Variants in USP35 observed in about 807,000 individuals in gnomAD.
The protein encoded by USP35 is ubiquitin specific peptidase 35, also known as ubiquitin carboxyl-terminal hydrolase 35.
Under a neutral mutation model 83.8 loss-of-function variants are expected in USP35, and 69 were observed. The observed-to-expected ratio is 0.82, with a 90% CI of 0.68 to 1.01. The LOEUF (loss-of-function observed/expected upper bound fraction) is 1.01, where lower values mean the gene tolerates loss of function less well. Ranked by LOEUF, USP35 falls within the 50% of genes least tolerant of loss-of-function variation. The pLI, the probability that USP35 is intolerant of heterozygous loss-of-function variation, is 0.00. For missense variants in USP35, 1,503 were observed against 1,362.5 expected, an observed-to-expected ratio of 1.10 and a Z score of -1.62; for synonymous variants, 714 against 589.5, an observed-to-expected ratio of 1.21 and a Z score of -3.06.
chr11:78,210,275 C>T lies in USP35; in HGVS notation c.2420C>T (p.Thr807Ile), dbSNP rs1307148083. 2.5e-6 allele frequency: 4 copies of T among 1,614,152 alleles called. No homozygotes were observed. Among genetic ancestry groups the T allele is most frequent in the Non-Finnish European group, 3.4e-6 (4 of 1,180,042 alleles). Residue 807 changes from threonine (T) to isoleucine (I), a missense_variant, in exon 10 of 11, where the codon ACA (threonine) becomes ATA (isoleucine). Transcript: ENST00000529308. ...LSQGPCYLIL[T>I]LLRFSFDLRT... ...CAAGGGCCGTGCTACCTCATCCTCA[C>T]ACTGCTGCGCTTCTCTTTCGACCTG...
At chr11:78,211,623 C>G (rs1234624179) in intron 10 of USP35, among the ~76,000 whole-genome samples, 1 of 152,162 alleles carries the variant, frequency 6.6e-6, no homozygotes, top group Non-Finnish European at 1.5e-5. Context: ...ATGTTGTTTC[C>G]TGACTTTTTA....
At chr11:78,235,760 G>A in the USP35 span, among the ~76,000 whole-genome samples, 1 of 152,032 alleles carries the variant, frequency 6.6e-6, no homozygotes, top group African/African-American at 2.4e-5. Context: ...TGTCCATATC[G>A]CTATCAGGCT....
At position 78,199,158 on chromosome 11, in the gene USP35, C is replaced by T. The variant is rs112493471; in HGVS notation, c.807-437C>T. ...TTATCTCCTTTAATCCATACAAGAA[C>T]CCTCTGAGGGAGGTATTATCCCCAT... On this transcript the variant is annotated intron_variant, in intron 3 of 10. Transcript: ENST00000529308. The T allele has an allele frequency of 2.3e-3, 467 of 207,128 alleles. 1 individual carries two copies. The highest frequency in any genetic ancestry group is 9.7e-3 in the African/African-American group (430 of 44,104). 12.8% of individuals were successfully genotyped at this position (207,128 alleles called of 1,614,324 possible).
At chr11:78,216,357 G>A (rs1467946740), downstream of USP35, 1 of 152,212 alleles carries the variant, frequency 6.6e-6, no homozygotes, top group African/African-American at 2.4e-5. Context: ...AGGCCCCCAG[G>A]AGAGGTGGAC....
At chr11:78,234,374 C>T in the USP35 span, among the ~76,000 whole-genome samples, 2 of 152,138 alleles carry the variant, frequency 1.3e-5, no homozygotes, top group Non-Finnish European at 2.9e-5. Flanking sequence ...TGAACTACTG[C>T]GCCCAGCCTA....
In USP35 at chr11:78,213,682, A is replaced by G. The variant is rs763270875; in HGVS notation, c.2926A>G (p.Ile976Val). The change falls in exon 11 of 11, where the codon ATC (isoleucine) becomes GTC (valine). Residue 976 changes from isoleucine (I) to valine (V), a missense_variant. Transcript: ENST00000529308. ...GGAGGCCCGGAGCAGGGCGGCCTACATCTCTGCACTCCCCACATCTCCGCA... is the reference window on the plus strand; with the variant it reads ...GGAGGCCCGGAGCAGGGCGGCCTACGTCTCTGCACTCCCCACATCTCCGCA... Reference protein sequence around the residue: ...EKEARSRAAYISALPTSPHWG... With the variant: ...EKEARSRAAYVSALPTSPHWG... The G allele has an allele frequency of 3.3e-6, 5 of 1,512,980 alleles. No individual in the cohort carries two copies. Among genetic ancestry groups the G allele is most frequent in the Admixed American group, 5.2e-5 (2 of 38,126 alleles). The allele number at this position is 1,512,980 out of a possible 1,614,324, so 93.7% of individuals were successfully genotyped here. A position where few individuals can be genotyped will look rare whatever the true frequency, so the allele number is the denominator to read the frequency against.
the USP35 span, among the ~76,000 whole-genome samples, chr11:78,233,222 A>G: frequency 5.9e-3 from 891 of 151,952 alleles, 2 homozygotes; most frequent in Non-Finnish European, 9.9e-3. Flanking sequence ...TTTGGTAGAG[A>G]TGGGGTGTCG....
chr11:78,228,497 A>G, the USP35 span, among the ~76,000 whole-genome samples: 3 of 152,194 alleles, frequency 2.0e-5, no homozygotes. Flanking sequence ...TCTGAGGCCA[A>G]TCCCTGGACC....
the USP35 span, among the ~76,000 whole-genome samples, chr11:78,227,631 C>CAAA: frequency 1.5e-3 from 159 of 106,126 alleles, 2 homozygotes; most frequent in African/African-American, 5.4e-3. Flanking sequence ...CCATTGCCAC[C>CAAA]AAAAAAAAAA....
chr11:78,223,460 C>A, the USP35 span: 1 of 1,588,586 alleles, frequency 6.3e-7, no homozygotes, highest in South Asian at 1.1e-5. Flanking sequence ...GGCTGAATCT[C>A]ACTTCCTCTG....
intron 1 of USP35, among the ~76,000 whole-genome samples, chr11:78,189,505 TG>T (rs747049660): frequency 1.6e-3 from 248 of 152,162 alleles, no homozygotes; most frequent in Non-Finnish European, 2.6e-3. Context: ...TGGCACAAAC[TG>T]GGGGGCCCGA....
At position 78,196,419 on chromosome 11, in the gene USP35, CCG is replaced by C. The variant is rs1482911282; in HGVS notation, c.177_178del (p.Val60GlyfsTer171). ...TGGGCGGCGCGGAGGAGCTGCCGCGCCGCGTGGGCTGCCAGCTGCTGCACGTG... is the reference window on the plus strand; with the variant it reads ...TGGGCGGCGCGGAGGAGCTGCCGCGCCGTGGGCTGCCAGCTGCTGCACGTG... ...YVGGAEELPR[R>X]VGCQLLHVAG... On this transcript the variant is annotated frameshift_variant, in exon 2 of 11. Transcript: ENST00000529308. LOFTEE classifies it high-confidence loss of function. The surrounding 1 kb of genome is among the most constrained non-coding windows in gnomAD (Gnocchi z 4.8). 3 of 1,295,864 alleles carry C rather than the reference CCG, an allele frequency of 2.3e-6. No individual in the cohort carries two copies. In the Admixed American group the frequency reaches 1.3e-4, roughly 55 times the overall value. The allele number at this position is 1,295,864 out of a possible 1,614,324, so 80.3% of individuals were successfully genotyped here.
chr11:78,214,182 C>T lies in USP35; in HGVS notation c.*369C>T, dbSNP rs952780530. The T allele has an allele frequency of 1.1e-5, 2 of 178,758 alleles. No individual in the cohort carries two copies. The highest frequency in any genetic ancestry group is 4.9e-5 in the African/African-American group (2 of 40,966). 11.1% of individuals were successfully genotyped at this position (178,758 alleles called of 1,614,324 possible). A position where few individuals can be genotyped will look rare whatever the true frequency, so the allele number is the denominator to read the frequency against. ...ATGTTTTGACATCAAGTACTATTTT[C>T]CTTCCGACTGCTGTACGGTATAAAG... is the stretch of plus-strand genomic sequence containing the variant. On this transcript the variant is annotated 3_prime_UTR_variant, in exon 11 of 11. Transcript: ENST00000529308.
chr11:78,217,951 C>G (rs916055372), downstream of USP35: 3 of 152,876 alleles, frequency 2.0e-5, no homozygotes, highest in African/African-American at 7.2e-5. Context: ...GCCTGACCCA[C>G]TGTCCCATCC....
chr11:78,235,815 T>G, the USP35 span, among the ~76,000 whole-genome samples: 1 of 152,196 alleles, frequency 6.6e-6, no homozygotes, highest in African/African-American at 2.4e-5. Context: ...TTCCAGACTT[T>G]CCCACATTTT....
At chr11:78,219,325 C>G (rs201966341), downstream of USP35, 1 of 1,614,012 alleles carries the variant, frequency 6.2e-7, no homozygotes, top group Non-Finnish European at 8.5e-7. Context: ...TCTGTCCACT[C>G]CTGCATGGTG....
the USP35 span, chr11:78,221,701 G>A: frequency 6.2e-7 from 1 of 1,612,736 alleles, no homozygotes; most frequent in Non-Finnish European, 8.5e-7. Context: ...TCTCTTCGCT[G>A]TCTCCTGAGT....
the USP35 span, among the ~76,000 whole-genome samples, chr11:78,231,174 G>A: frequency 6.6e-6 from 1 of 152,132 alleles, no homozygotes; most frequent in African/African-American, 2.4e-5. Context: ...AAGCACGTAT[G>A]GGAGCTCCCC....
the USP35 span, among the ~76,000 whole-genome samples, chr11:78,225,756 C>T: frequency 6.6e-6 from 1 of 152,202 alleles, no homozygotes; most frequent in Admixed American, 6.5e-5. Context: ...CTATTTAAGT[C>T]TCTTAACTGT....
Sources: gnomAD v4.1 joint callset for allele counts (sites outside exome capture counted in the v4.1 genomes callset) on GRCh38, gnomAD v4.1.1 for gene constraint, Gnocchi (gnomAD v3.1) non-coding constraint, MANE v1.5 for transcripts, NCBI Gene and HGNC (gene_info 2026-07-23, HGNC 2026-07-21) for gene names.